Variants in TMEM132D observed in about 807,000 individuals in gnomAD.
TMEM132D encodes the protein transmembrane protein 132D, also known as mature OL transmembrane protein.
Under a neutral mutation model 62.3 loss-of-function variants are expected in TMEM132D, and 21 were observed. The ratio of observed to expected loss-of-function variants is 0.34; its 90% CI spans 0.24 to 0.49. The LOEUF (loss-of-function observed/expected upper bound fraction) is 0.49. Ranked by LOEUF, TMEM132D falls within the 20% of genes least tolerant of loss-of-function variation. TMEM132D has a pLI of 0.99. For missense variants in TMEM132D, 1,346 were observed against 1,402.8 expected (o/e 0.96, Z 0.65); for synonymous variants, 621 against 575.6 (o/e 1.08, Z -1.13).
chr12:129,311,605 A>T (rs966123393), intron 4 of TMEM132D, among the ~76,000 whole-genome samples: 1 of 152,218 alleles, frequency 6.6e-6, no homozygotes, highest in Non-Finnish European at 1.5e-5. Context: ...GGGTAATTTC[A>T]AGTAATTAAA....
chr12:129,874,857 C>T (rs1490776745), intron 1 of TMEM132D, among the ~76,000 whole-genome samples: 5 of 151,980 alleles, frequency 3.3e-5, no homozygotes, highest in East Asian at 1.9e-4. Context: ...TGCGCCACCA[C>T]GCCCAGCTAA....
At chr12:129,861,854 C>G (rs796642487) in intron 1 of TMEM132D, among the ~76,000 whole-genome samples, 3 of 152,122 alleles carry the variant, frequency 2.0e-5, no homozygotes, top group African/African-American at 7.2e-5. Context: ...ACTGTAGAAC[C>G]TAAGATTGGC....
At chr12:129,098,547 C>G (rs950106140) in intron 5 of TMEM132D, among the ~76,000 whole-genome samples, 2 of 152,188 alleles carry the variant, frequency 1.3e-5, no homozygotes, top group Admixed American at 1.3e-4. Flanking sequence ...TCCACTAACT[C>G]CACTGTCCTT....
At chr12:129,219,365 A>C (rs1299451168) in intron 4 of TMEM132D, among the ~76,000 whole-genome samples, 1 of 152,180 alleles carries the variant, frequency 6.6e-6, no homozygotes, top group African/African-American at 2.4e-5. Flanking sequence ...TGAGTCCATT[A>C]GGCATCTTTC....
At chr12:129,154,220 A>G (rs1443761787) in intron 5 of TMEM132D, among the ~76,000 whole-genome samples, 3 of 152,180 alleles carry the variant, frequency 2.0e-5, no homozygotes, top group Non-Finnish European at 4.4e-5. Flanking sequence ...AGTGGGACAC[A>G]GCTCAGAGGG....
intron 1 of TMEM132D, among the ~76,000 whole-genome samples, chr12:129,866,622 G>A (rs1874070526): frequency 6.6e-6 from 1 of 151,584 alleles, no homozygotes; most frequent in African/African-American, 2.4e-5. Flanking sequence ...AAAGAAAAAT[G>A]AGTGTTGGAC....
Position 129,611,692 on chromosome 12 carries a change from G to A in TMEM132D, c.969-80487C>T, listed in dbSNP as rs532409608. Among the ~76,000 whole-genome samples, 4 of 152,302 alleles carry A rather than the reference G, an allele frequency of 2.6e-5. No homozygotes were observed. The East Asian group carries it at 5.8e-4, about 22-fold the overall frequency. The stretch of plus-strand genomic sequence containing the variant: ...TCCATCATGGGAGGACAGGAATGGA[G>A]GAGGCACCCTGATACTGAAGTGCCT... On this transcript the variant is annotated intron_variant, in intron 2 of 8. Transcript: ENST00000422113.
At chr12:129,754,431 A>G (rs1448149253) in intron 1 of TMEM132D, among the ~76,000 whole-genome samples, 2 of 152,198 alleles carry the variant, frequency 1.3e-5, no homozygotes, top group African/African-American at 4.8e-5. Context: ...ACCCCAAGGA[A>G]GAACAGGAGA....
At chr12:129,318,496 C>T (rs900251414) in intron 4 of TMEM132D, among the ~76,000 whole-genome samples, 1 of 152,172 alleles carries the variant, frequency 6.6e-6, no homozygotes, top group Non-Finnish European at 1.5e-5. Flanking sequence ...TGATGTGATC[C>T]ATCTATGGGT....
At chr12:129,554,059 A>G (rs560035915) in intron 2 of TMEM132D, among the ~76,000 whole-genome samples, 16 of 152,214 alleles carry the variant, frequency 1.1e-4, no homozygotes, top group African/African-American at 2.6e-4. Context: ...TTTCTCCTCA[A>G]CTAGGTATAT....
Position 129,522,053 on chromosome 12 carries a change from C to T in TMEM132D, c.1115+9006G>A, listed in dbSNP as rs144531399. Among the ~76,000 whole-genome samples, 199 of 152,062 alleles carry T rather than the reference C, an allele frequency of 1.3e-3. 1 individual carries two copies. The highest frequency in any genetic ancestry group is 4.4e-3 in the African/African-American group (183 of 41,476). On this transcript the variant is annotated intron_variant, in intron 3 of 8. Coordinates refer to ENST00000422113, the MANE Select transcript of TMEM132D (RefSeq NM_133448.3). ...TGTAATTTATAACGCAAGAGCTTAA[C>T]GAAGGTTCTAAGTAGGAATCTAAAG...
intron 4 of TMEM132D, among the ~76,000 whole-genome samples, chr12:129,326,756 G>A (rs948680817): frequency 6.6e-6 from 1 of 152,046 alleles, no homozygotes; most frequent in African/African-American, 2.4e-5. Context: ...AAATAAAGTA[G>A]CACTTACTTT....
intron 5 of TMEM132D, among the ~76,000 whole-genome samples, chr12:129,106,428 AAAAAATAAAAAT>A (rs1202832848): frequency 6.6e-6 from 1 of 151,978 alleles, no homozygotes. Context: ...ATAATAAAAT[AAAAAATAAAAAT>A]AAAAATAAAT....
At chr12:129,738,672 C>T (rs1318314365) in intron 1 of TMEM132D, among the ~76,000 whole-genome samples, 1 of 151,988 alleles carries the variant, frequency 6.6e-6, no homozygotes, top group African/African-American at 2.4e-5. Flanking sequence ...TCAGTCAGAC[C>T]CATTTTCTTT....
intron 4 of TMEM132D, among the ~76,000 whole-genome samples, chr12:129,325,289 C>G (rs947632203): frequency 6.6e-6 from 1 of 152,088 alleles, no homozygotes; most frequent in Non-Finnish European, 1.5e-5. Context: ...AAAGAAATAC[C>G]ATGGAGAAAA....
intron 4 of TMEM132D, among the ~76,000 whole-genome samples, chr12:129,309,078 C>G (rs559433768): frequency 7.2e-5 from 11 of 152,188 alleles, no homozygotes; most frequent in Non-Finnish European, 1.6e-4. Context: ...GAGAACTCTA[C>G]CCTCCCTCTC....
At position 129,899,276 on chromosome 12, in the gene TMEM132D, G is replaced by GATGCATGGATGGATGGATGGATGC. The variant is rs1593203859; in HGVS notation, c.79+3961_79+3984dup. ...GCACGGATGGATGGATGGATGGATG[G>GATGCATGGATGGATGGATGGATGC]ATGCATGGATGGATGGATGGATGCA... is the stretch of plus-strand genomic sequence containing the variant. On this transcript the variant is annotated intron_variant, in intron 1 of 8. Transcript: ENST00000422113. Among the ~76,000 whole-genome samples, 19 of 113,146 alleles carry GATGCATGGATGGATGGATGGATGC rather than the reference G, an allele frequency of 1.7e-4. 1 individual carries two copies. In the Admixed American group the frequency reaches 1.7e-3, roughly 10 times the overall value. 74.2% of individuals were successfully genotyped at this position (113,146 alleles called of 152,430 possible). A position where few individuals can be genotyped will look rare whatever the true frequency, so the allele number is the denominator to read the frequency against.
In TMEM132D at chr12:129,073,718, C is replaced by A. The variant is rs1376659962; in HGVS notation, c.*157G>T. On this transcript the variant is annotated 3_prime_UTR_variant, in exon 9 of 9. Transcript: ENST00000422113. The stretch of plus-strand genomic sequence containing the variant: ...GTGTGCGTCGATGCGGACTCCAGGC[C>A]TCGCCGCCGAGCCGGGGTCATTGGC... The A allele has an allele frequency of 6.3e-6, 4 of 635,592 alleles. No homozygotes were observed. The highest frequency in any genetic ancestry group is 1.8e-5 in the African/African-American group (1 of 54,614). 39.4% of individuals were successfully genotyped at this position (635,592 alleles called of 1,614,324 possible).
chr12:129,899,591 A>T (rs1875283745), intron 1 of TMEM132D, among the ~76,000 whole-genome samples: 1 of 152,188 alleles, frequency 6.6e-6, no homozygotes. Flanking sequence ...ATTAACAGAA[A>T]AATTGATAGA....
Sources: gnomAD v4.1 joint callset for allele counts (sites outside exome capture counted in the v4.1 genomes callset) on GRCh38, gnomAD v4.1.1 for gene constraint, MANE v1.5 for transcripts, NCBI Gene and HGNC (gene_info 2026-07-23, HGNC 2026-07-21) for gene names.